Variants in PRRC2C observed in about 807,000 individuals in gnomAD.
PRRC2C encodes protein PRRC2C.
In PRRC2C, 72 loss-of-function variants were observed where a neutral mutation model predicts 317.2. That is an observed-to-expected ratio of 0.23 (90% CI 0.19 to 0.28). The LOEUF is 0.28. Ranked by LOEUF, PRRC2C falls within the 10% of genes least tolerant of loss-of-function variation. The pLI is 1.00. For missense variants in PRRC2C, 3,074 were observed against 3,459.7 expected, an observed-to-expected ratio of 0.89 and a Z score of 2.80; for synonymous variants, 1,296 against 1,205.9, an observed-to-expected ratio of 1.07 and a Z score of -1.55.
intron 25 of PRRC2C, among the ~76,000 whole-genome samples, chr1:171,576,797 A>G (rs551468185): frequency 2.0e-5 from 3 of 152,168 alleles, no homozygotes; most frequent in Admixed American, 6.5e-5. Context: ...GGTTCAAGCA[A>G]TCCTTCCATC....
intron 5 of PRRC2C, 35 bp downstream of exon 5, chr1:171,515,894 C>A (rs1672259166): frequency 6.5e-7 from 1 of 1,546,784 alleles, no homozygotes; most frequent in East Asian, 2.3e-5. Context: ...AAAATGAGAT[C>A]ATATTTGTGT....
intron 12 of PRRC2C, among the ~76,000 whole-genome samples, chr1:171,534,982 A>G (rs997330461): frequency 6.6e-6 from 1 of 152,196 alleles, no homozygotes; most frequent in African/African-American, 2.4e-5. Context: ...CCTTACAGAT[A>G]ATAGTCCCTT....
chr1:171,513,951 G>C (rs552890369), intron 3 of PRRC2C, among the ~76,000 whole-genome samples: 83 of 152,276 alleles, frequency 5.5e-4, no homozygotes, highest in African/African-American at 2.0e-3. Context: ...TGCATTTTGT[G>C]AGCCTCTTAA....
chr1:171,546,593 ATTTG>A (rs199687647), intron 17 of PRRC2C, among the ~76,000 whole-genome samples: 80 of 152,000 alleles, frequency 5.3e-4, no homozygotes, highest in African/African-American at 1.8e-3. Flanking sequence ...CAAATTCTTC[ATTTG>A]TTTGTTTGTT....
chr1:171,587,231 G>A lies in PRRC2C; in HGVS notation c.7968+10G>A. 1 of 1,579,106 alleles carries A rather than the reference G, an allele frequency of 6.3e-7. No homozygotes were observed. The highest frequency in any genetic ancestry group is 8.6e-7 in the Non-Finnish European group (1 of 1,159,820). ...TGCAACCACAGGAAAAGTAAGTAAA[G>A]AGACATTTGCACAGGTTATTTGAGA... is the stretch of plus-strand genomic sequence containing the variant. On this transcript the variant is annotated intron_variant, in intron 31 of 34. Transcript: ENST00000647382.
intron 1 of PRRC2C, among the ~76,000 whole-genome samples, chr1:171,487,240 T>G (rs916975386): frequency 6.6e-6 from 1 of 152,086 alleles, no homozygotes; most frequent in African/African-American, 2.4e-5. Flanking sequence ...ATTTTACAGA[T>G]GAGGAAATGA....
At chr1:171,521,760 G>C (rs377003250) in intron 6 of PRRC2C, among the ~76,000 whole-genome samples, 3 of 152,108 alleles carry the variant, frequency 2.0e-5, no homozygotes, top group African/African-American at 7.2e-5. Context: ...TCACTTTGCC[G>C]TTTGCTAGGG....
In PRRC2C at chr1:171,587,823, G is replaced by A. The variant is rs563231930; in HGVS notation, c.8072+72G>A. The stretch of plus-strand genomic sequence containing the variant: ...TATTTGTTAAATACTTATCAGTCCT[G>A]TGTGACATAATCCCTTTTCCAAGCA... On this transcript the variant is annotated intron_variant, in intron 32 of 34. Transcript: ENST00000647382. The A allele has an allele frequency of 5.2e-6, 5 of 952,472 alleles. No homozygotes were observed. The Admixed American group carries it at 6.6e-5, about 13-fold the overall frequency. The allele number at this position is 952,472 out of a possible 1,614,324, so 59.0% of individuals were successfully genotyped here.
intron 5 of PRRC2C, among the ~76,000 whole-genome samples, chr1:171,516,313 T>C (rs1265860680): frequency 2.0e-5 from 3 of 152,180 alleles, no homozygotes; most frequent in Admixed American, 2.0e-4. Flanking sequence ...AAAATAAAAG[T>C]GTAAAATGTT....
At chr1:171,566,939 G>A in intron 22 of PRRC2C, 96 bp downstream of exon 22, 2 of 1,326,998 alleles carry the variant, frequency 1.5e-6, no homozygotes, top group Non-Finnish European at 2.0e-6. Context: ...TTTTCCTGCT[G>A]AGGCATATAA....
chr1:171,574,915 G>A lies in PRRC2C; in HGVS notation c.6754-12G>A, dbSNP rs774976986. On this transcript the variant is annotated splice_polypyrimidine_tract_variant and intron_variant, in intron 24 of 34. Transcript: ENST00000647382. ...ATCATTTTTTTACTATAAAATGTCCGTTTTATTGCAGATGGAGTCTGCACG... is the reference window on the plus strand; with the variant it reads ...ATCATTTTTTTACTATAAAATGTCCATTTTATTGCAGATGGAGTCTGCACG... The A allele has an allele frequency of 4.8e-5, 78 of 1,611,680 alleles. No homozygotes were observed. Among genetic ancestry groups the A allele is most frequent in the Admixed American group, 3.7e-4 (22 of 59,818 alleles).
chr1:171,545,636 C>T lies in PRRC2C; in HGVS notation c.4921C>T (p.Pro1641Ser). The change falls in exon 17 of 35, where the codon CCA (proline) becomes TCA (serine). Residue 1641 changes from proline to serine, a missense_variant. By Grantham distance (74) the Pro-to-Ser change is moderately conservative. Transcript: ENST00000647382. ...REDPKPGPKK[P>S]KEKVDALSQF... ...AGACCCCAAACCAGGCCCTAAAAAA[C>T]CAAAAGAGAAAGTGGATGCTCTATC... 9 of 1,613,206 alleles carry T rather than the reference C, an allele frequency of 5.6e-6. No individual in the cohort carries two copies. The highest frequency in any genetic ancestry group is 1.1e-5 in the South Asian group (1 of 90,946).
Position 171,540,921 on chromosome 1 carries a change from G to T in PRRC2C, c.3455G>T (p.Arg1152Met), listed in dbSNP as rs1009550700. Reference sequence around the variant, plus strand: ...ATCAGCAAAGACCTTGTTATAGAGAGGCCTCGACCAGATTCAAGACCAGCA... The same window carrying T: ...ATCAGCAAAGACCTTGTTATAGAGATGCCTCGACCAGATTCAAGACCAGCA... ...KVISKDLVIE[R>M]PRPDSRPAVK... The change falls in exon 16 of 35, where the codon AGG becomes ATG. Residue 1152 changes from arginine to methionine, a missense_variant. By Grantham distance (91) the Arg-to-Met change is moderately conservative (BLOSUM62 -1). Coordinates refer to ENST00000647382, the MANE Select transcript of PRRC2C (RefSeq NM_001387844.1). The T allele has an allele frequency of 6.2e-7, 1 of 1,613,826 alleles. No individual in the cohort carries two copies. The highest frequency in any genetic ancestry group is 8.5e-7 in the Non-Finnish European group (1 of 1,179,824).
At chr1:171,517,852 G>T (rs1196883070) in intron 6 of PRRC2C, 38 bp downstream of exon 6, 2 of 1,572,026 alleles carry the variant, frequency 1.3e-6, no homozygotes, top group South Asian at 1.1e-5. Context: ...CAAACAAGTG[G>T]TTTTTGATCT....
intron 16 of PRRC2C, 93 bp from the exon 17 acceptor site, chr1:171,545,386 A>T: frequency 9.5e-7 from 1 of 1,057,836 alleles, no homozygotes; most frequent in Non-Finnish European, 1.4e-6. Flanking sequence ...ACAGTGTTTC[A>T]TCTTAGAATG....
intron 20 of PRRC2C, among the ~76,000 whole-genome samples, chr1:171,561,770 T>C (rs1682760130): frequency 6.6e-6 from 1 of 152,240 alleles, no homozygotes; most frequent in Non-Finnish European, 1.5e-5. Flanking sequence ...AGTATAAGTA[T>C]TTAGAAACTG....
intron 23 of PRRC2C, among the ~76,000 whole-genome samples, chr1:171,569,957 G>A (rs1687060): frequency 0.8 from 121,808 of 151,946 alleles, 48,968 homozygotes; most frequent in Middle Eastern, 0.89. Context: ...TGTGTGATCT[G>A]TAAGGCTAAT....
chr1:171,576,125 A>G (rs1284142439), intron 25 of PRRC2C, among the ~76,000 whole-genome samples: 1 of 152,196 alleles, frequency 6.6e-6, no homozygotes, highest in Non-Finnish European at 1.5e-5. Context: ...CCTTCCTAGC[A>G]TTCCTCCACC....
intron 9 of PRRC2C, 88 bp from the exon 10 acceptor site, chr1:171,524,733 C>A: frequency 7.6e-7 from 1 of 1,322,388 alleles, no homozygotes; most frequent in Non-Finnish European, 1.0e-6. Context: ...AGAAACCATA[C>A]AGAAATAATT....
Sources: allele counts gnomAD v4.1 joint callset (sites outside exome capture counted in the v4.1 genomes callset), GRCh38; gene constraint gnomAD v4.1.1; transcripts MANE v1.5; gene names NCBI Gene and HGNC (gene_info 2026-07-23, HGNC 2026-07-21).